The following TRIM36 variants were observed in gnomAD, a reference collection of about 807,000 sequenced individuals.
TRIM36 encodes the protein tripartite motif containing 36.
A neutral mutation model predicts 72.4 loss-of-function variants in TRIM36; 42 were observed. That is an observed-to-expected ratio of 0.58 (90% CI 0.45 to 0.75). The LOEUF (loss-of-function observed/expected upper bound fraction) is 0.75. TRIM36 is among the 30% of genes least tolerant of loss of function. The pLI is 0.00. For missense variants in TRIM36, 913 were observed against 857.1 expected (o/e 1.07, Z -0.81); for synonymous variants, 315 against 282.8 (o/e 1.11, Z -1.14).
chr5:115,137,168 A>G, intron 6 of TRIM36, 44 bp from the exon 7 acceptor site: 7 of 1,529,578 alleles, frequency 4.6e-6, no homozygotes, highest in Non-Finnish European at 6.1e-6. Flanking sequence ...TTAAGAAGTC[A>G]AATCAGACTA....
intron 2 of TRIM36, among the ~76,000 whole-genome samples, chr5:115,157,945 G>A (rs1293424244): frequency 6.6e-6 from 1 of 152,116 alleles, no homozygotes; most frequent in African/African-American, 2.4e-5. Context: ...TAACACAATG[G>A]ACTCTGGGGA....
intron 4 of TRIM36, among the ~76,000 whole-genome samples, chr5:115,143,497 T>TAA (rs889787235): frequency 6.8e-6 from 1 of 146,634 alleles, no homozygotes; most frequent in Non-Finnish European, 1.5e-5. Context: ...AAACTTTAAT[T>TAA]AAAAAAAAAA....
intron 9 of TRIM36, among the ~76,000 whole-genome samples, chr5:115,127,317 C>G (rs1360449620): frequency 6.6e-6 from 1 of 152,164 alleles, no homozygotes; most frequent in African/African-American, 2.4e-5. Flanking sequence ...TCCCAGCACT[C>G]TGGGAGGCCA....
chr5:115,159,880 G>A (rs1324424131), intron 2 of TRIM36, among the ~76,000 whole-genome samples: 1 of 151,876 alleles, frequency 6.6e-6, no homozygotes, highest in Non-Finnish European at 1.5e-5. Context: ...AATCATTGTG[G>A]GTATAGCACT....
intron 2 of TRIM36, among the ~76,000 whole-genome samples, chr5:115,160,910 CT>C (rs1223620631): frequency 2.6e-5 from 4 of 152,034 alleles, no homozygotes; most frequent in African/African-American, 9.7e-5. Flanking sequence ...AGGAATATTA[CT>C]CATGAATCTA....
At chr5:115,128,832 C>T (rs1208801287) in intron 9 of TRIM36, among the ~76,000 whole-genome samples, 2 of 121,844 alleles carry the variant, frequency 1.6e-5, no homozygotes, top group Non-Finnish European at 1.8e-5. Context: ...AAGAAGAATA[C>T]ATTTAAATAA....
Position 115,144,762 on chromosome 5 carries a change from A to G in TRIM36, c.589-18T>C. On this transcript the variant is annotated intron_variant, in intron 3 of 9. Transcript: ENST00000513154. ...ATTAAAATCTATTGAGTAAAGAATA[A>G]AAGTGTGATTAAGGATCTAGGTTTC... 9 of 1,599,938 alleles carry G rather than the reference A, an allele frequency of 5.6e-6. No individual in the cohort carries two copies. The highest frequency in any genetic ancestry group is 7.7e-6 in the Non-Finnish European group (9 of 1,175,024).
chr5:115,160,386 T>C (rs1418369494), intron 2 of TRIM36, among the ~76,000 whole-genome samples: 1 of 152,302 alleles, frequency 6.6e-6, no homozygotes, highest in South Asian at 2.1e-4. Flanking sequence ...AATATAACAA[T>C]TATTAAAGAT....
At chr5:115,140,447 G>C (rs1561426862) in intron 5 of TRIM36, among the ~76,000 whole-genome samples, 1 of 152,122 alleles carries the variant, frequency 6.6e-6, no homozygotes, top group Admixed American at 6.6e-5. Context: ...ATGGAAAAAT[G>C]TACATGTAAG....
upstream of TRIM36, among the ~76,000 whole-genome samples, chr5:115,172,817 C>A (rs753563056): frequency 1.3e-5 from 2 of 151,766 alleles, no homozygotes; most frequent in Admixed American, 6.6e-5. Context: ...TGATTACAGG[C>A]AAACAAAAAT....
rs371758174 is a variant in TRIM36, at chr5:115,126,506, C to T, written c.2148G>A (p.Met716Ile). ...TAKYLEYQED[M>I] is the part of the protein sequence containing the mutation. ...TGAGTCACATCAGATGTTTCAACTA[C>T]ATGTCCTCTTGGTATTCCAGATATT... is the stretch of plus-strand genomic sequence containing the variant. Residue 716 changes from methionine (M) to isoleucine (I), a missense_variant, in exon 10 of 10, where the codon ATG becomes ATA. By Grantham distance (10) the Met-to-Ile change is conservative. Transcript: ENST00000513154. 41 of 1,603,684 alleles carry T rather than the reference C, an allele frequency of 2.6e-5. No homozygotes were observed. Among genetic ancestry groups the T allele is most frequent in the Non-Finnish European group, 3.5e-5 (41 of 1,171,734 alleles).
At chr5:115,144,095 C>T (rs899207970) in intron 4 of TRIM36, among the ~76,000 whole-genome samples, 25 of 151,834 alleles carry the variant, frequency 1.6e-4, no homozygotes, top group Non-Finnish European at 3.4e-4. Flanking sequence ...AGGATGGTCT[C>T]GATCTCCTGA....
Position 115,147,116 on chromosome 5 carries a change from T to C in TRIM36, c.541A>G (p.Lys181Glu). 1 of 1,614,186 alleles carries C rather than the reference T, an allele frequency of 6.2e-7. No homozygotes were observed. The highest frequency in any genetic ancestry group is 8.5e-7 in the Non-Finnish European group (1 of 1,180,020). Reference sequence around the variant, plus strand: ...GGACCAACATACTCATGTTGAGCTTTTATAGTACCCCAAGGGTGATGAATT... The same window carrying C: ...GGACCAACATACTCATGTTGAGCTTCTATAGTACCCCAAGGGTGATGAATT... The part of the protein sequence containing the change: ...FKIHHPWGTI[K>E]AQHEYVGPTT... The change falls in exon 3 of 10, where the codon AAA (lysine) becomes GAA (glutamate). Residue 181 changes from lysine to glutamate, a missense_variant. By Grantham distance (56) the Lys-to-Glu change is moderately conservative. Transcript: ENST00000513154.
At chr5:115,162,783 A>C (rs2126930311) in intron 2 of TRIM36, among the ~76,000 whole-genome samples, 1 of 152,240 alleles carries the variant, frequency 6.6e-6, no homozygotes, top group Non-Finnish European at 1.5e-5. Flanking sequence ...GATTGGCAGC[A>C]AGGGAGGAAA....
In TRIM36 at chr5:115,150,989, A is replaced by T. The variant is rs540795727; in HGVS notation, c.263-3595T>A. On this transcript the variant is annotated intron_variant, in intron 2 of 9. Coordinates refer to ENST00000513154, the MANE Select transcript of TRIM36 (RefSeq NM_001300759.2). ...AGGCCACAGGGAGAAGGAAACCTCC[A>T]GCTAAAGTTTGTAACAATTTGAACT... 7.2e-5 allele frequency among the ~76,000 whole-genome samples: 11 copies of T among 152,356 alleles called. No individual in the cohort carries two copies. In the South Asian group the frequency reaches 2.3e-3, roughly 32 times the overall value.
rs748596152 is a variant in TRIM36, at chr5:115,149,569, G to GAAAAAAAA, written c.263-2183_263-2176dup. 2.1e-4 allele frequency: 4 copies of GAAAAAAAA among 19,264 alleles called. 1 individual carries two copies. The highest frequency in any genetic ancestry group is 4.4e-3 in the East Asian group (2 of 452). The allele number at this position is 19,264 out of a possible 1,614,324, so 1.2% of individuals were successfully genotyped here. A position where few individuals can be genotyped will look rare whatever the true frequency, so the allele number is the denominator to read the frequency against. ...CCCAGAATTGGGTCCTCAGAAATTT[G>GAAAAAAAA]AAAAAAAAAAAAAAAAAAAAAAAAA... On this transcript the variant is annotated intron_variant, in intron 2 of 9. Coordinates refer to ENST00000513154, the MANE Select transcript of TRIM36 (RefSeq NM_001300759.2).
intron 4 of TRIM36, among the ~76,000 whole-genome samples, chr5:115,142,404 A>G (rs762753968): frequency 2.6e-5 from 4 of 152,220 alleles, no homozygotes; most frequent in Admixed American, 6.5e-5. Flanking sequence ...AATAAGATAC[A>G]TTTGGCCATT....
At chr5:115,180,202 G>T, upstream of TRIM36, 1 of 660,690 alleles carries the variant, frequency 1.5e-6, no homozygotes, top group Non-Finnish European at 2.5e-6. Context: ...AGCGGGCTTG[G>T]GTGAAATGAA....
chr5:115,137,094 G>C lies in TRIM36; in HGVS notation c.1116C>G (p.Ser372Arg), dbSNP rs760609483. The C allele has an allele frequency of 5.6e-6, 9 of 1,606,634 alleles. No individual in the cohort carries two copies. The South Asian group carries it at 1.0e-4, about 18-fold the overall frequency. Residue 372 changes from serine to arginine, a missense_variant, in exon 7 of 10, where the codon AGC becomes AGG. Transcript: ENST00000513154. ...AAGAAGTCTGAGCTGCAGGTCTAAA[G>C]CTCTTCAAAGATTCTGTGGCTTTCT... ...RIQKATESLK[S>R]FRPAAQTSFE...
Sources: allele counts gnomAD v4.1 joint callset (sites outside exome capture counted in the v4.1 genomes callset), GRCh38; gene constraint gnomAD v4.1.1; transcripts MANE v1.5; gene names NCBI Gene and HGNC (gene_info 2026-07-23, HGNC 2026-07-21).